SLC37A3: variants seen among roughly 807,000 people sequenced by gnomAD.
The protein encoded by SLC37A3 is sugar phosphate exchanger 3.
SLC37A3 carries 51 observed loss-of-function variants against 67.1 expected under a neutral mutation model. The ratio of observed to expected loss-of-function variants is 0.76; its 90% confidence interval spans 0.61 to 0.96. The LOEUF (loss-of-function observed/expected upper bound fraction) is 0.96. SLC37A3 is among the 40% of genes least tolerant of loss of function. SLC37A3 has a pLI of 0.00. For synonymous variants in SLC37A3, 214 were observed against 231.4 expected, an observed-to-expected ratio of 0.92 and a Z score of 0.68; for missense variants, 508 against 603.0, an observed-to-expected ratio of 0.84 and a Z score of 1.65.
chr7:140,346,060 G>T, intron 10 of SLC37A3, 90 bp from the exon 11 acceptor site: 2 of 891,428 alleles, frequency 2.2e-6, no homozygotes, highest in Non-Finnish European at 3.7e-6. Flanking sequence ...AGTCTCACTA[G>T]CAGCAGCCTG....
chr7:140,397,931 G>A (rs146434157), intron 1 of SLC37A3, among the ~76,000 whole-genome samples: 2 of 152,332 alleles, frequency 1.3e-5, no homozygotes, highest in Admixed American at 6.5e-5. Context: ...CCTTGACTGA[G>A]TTCATGCTAG....
At chr7:140,350,721 G>A (rs1442356954) in intron 9 of SLC37A3, among the ~76,000 whole-genome samples, 2 of 152,026 alleles carry the variant, frequency 1.3e-5, no homozygotes, top group Admixed American at 6.6e-5. Flanking sequence ...CCGAGACTGC[G>A]CCACTGCACT....
Position 140,334,447 on chromosome 7 carries a change from C to T in SLC37A3, c.*965G>A, listed in dbSNP as rs1405815687. The T allele has an allele frequency of 9.8e-5, 15 of 152,550 alleles. No homozygotes were observed. Among genetic ancestry groups the T allele is most frequent in the African/African-American group, 3.1e-4 (13 of 41,426 alleles). The allele number at this position is 152,550 out of a possible 1,614,324, so 9.4% of individuals were successfully genotyped here. On this transcript the variant is annotated 3_prime_UTR_variant, in exon 15 of 15. Transcript: ENST00000326232. Reference sequence around the variant, plus strand: ...CACTTACTAGAAGAAAAGGTCTTTCCCTTTTCTCTAATTCTAGTCTTCTGC... The same window carrying T: ...CACTTACTAGAAGAAAAGGTCTTTCTCTTTTCTCTAATTCTAGTCTTCTGC...
In SLC37A3 at chr7:140,345,878, C is replaced by G. The variant is rs773189820; in HGVS notation, c.1117G>C (p.Gly373Arg). Residue 373 changes from glycine (G) to arginine (R), a missense_variant, in exon 11 of 15, where the codon GGG (glycine) becomes CGG (arginine). Physicochemically the swap from Gly to Arg is moderately radical, Grantham distance 125 (BLOSUM62 -2). Coordinates refer to ENST00000326232, the MANE Select transcript of SLC37A3 (RefSeq NM_207113.3). Reference sequence around the variant, plus strand: ...GCAAAAGAATACTCACGACTATACCCGATGAGGGACCCAACTGCCAGAAGC... The same window carrying G: ...GCAAAAGAATACTCACGACTATACCGGATGAGGGACCCAACTGCCAGAAGC... ...SLLLAVGSLIGYSRSPNDKSI... is the reference protein window; with the variant it reads ...SLLLAVGSLIRYSRSPNDKSI... The G allele has an allele frequency of 1.2e-6, 2 of 1,612,882 alleles. No individual in the cohort carries two copies. Among genetic ancestry groups the G allele is most frequent in the Admixed American group, 1.7e-5 (1 of 60,010 alleles).
intron 7 of SLC37A3, 67 bp downstream of exon 7, chr7:140,355,601 T>TA (rs1298695299): frequency 3.0e-5 from 41 of 1,347,262 alleles, no homozygotes; most frequent in Non-Finnish European, 4.0e-5. Context: ...ATTTAATACA[T>TA]AAAAAGCAAT....
At chr7:140,393,618 C>T (rs1798805992) in intron 1 of SLC37A3, among the ~76,000 whole-genome samples, 1 of 152,190 alleles carries the variant, frequency 6.6e-6, no homozygotes, top group South Asian at 2.1e-4. Flanking sequence ...CTTGCTCCTT[C>T]CTTTTCTTGG....
chr7:140,393,693 C>T (rs1393592505), intron 1 of SLC37A3, among the ~76,000 whole-genome samples: 1 of 152,196 alleles, frequency 6.6e-6, no homozygotes, highest in East Asian at 1.9e-4. Flanking sequence ...ATGGTCTCCC[C>T]TGGTTACTAC....
intron 1 of SLC37A3, among the ~76,000 whole-genome samples, chr7:140,392,240 G>T (rs533969802): frequency 6.6e-6 from 1 of 152,292 alleles, no homozygotes; most frequent in East Asian, 1.9e-4. Flanking sequence ...AGCCCAGATA[G>T]TCGCTAACCA....
At position 140,385,721 on chromosome 7, in the gene SLC37A3, AATG is replaced by A. The variant is rs1242252175; in HGVS notation, c.-70-3128_-70-3126del. On this transcript the variant is annotated intron_variant, in intron 1 of 14. Transcript: ENST00000326232. ...AATAGACCATCTTTTCCTAAGCTAT[AATG>A]ATTGGGGAGAAAAGGCTTAATAAGC... Among the ~76,000 whole-genome samples the A allele has an allele frequency of 2.6e-5, 4 of 152,154 alleles. No homozygotes were observed. The East Asian group carries it at 7.7e-4, about 29-fold the overall frequency.
intron 1 of SLC37A3, among the ~76,000 whole-genome samples, chr7:140,391,575 T>C (rs1798727007): frequency 6.6e-6 from 1 of 152,064 alleles, no homozygotes; most frequent in South Asian, 2.1e-4. Context: ...AACAATAAGA[T>C]AAAACACAAC....
intron 5 of SLC37A3, among the ~76,000 whole-genome samples, chr7:140,360,545 C>T (rs1178113511): frequency 1.3e-5 from 2 of 151,726 alleles, no homozygotes; most frequent in African/African-American, 4.8e-5. Context: ...ACTAGCCTGG[C>T]CAACATGGTG....
chr7:140,397,028 C>T (rs2093104286), intron 1 of SLC37A3, among the ~76,000 whole-genome samples: 2 of 150,564 alleles, frequency 1.3e-5, no homozygotes, highest in Admixed American at 6.6e-5. Context: ...GGTGAAACCC[C>T]GTCCCTACTA....
chr7:140,355,982 G>A (rs1797010434), intron 6 of SLC37A3, among the ~76,000 whole-genome samples: 2 of 152,076 alleles, frequency 1.3e-5, no homozygotes, highest in African/African-American at 4.8e-5. Context: ...ATCACCTGAG[G>A]TCAGGAGTTC....
chr7:140,341,140 T>C (rs894566485), intron 13 of SLC37A3, among the ~76,000 whole-genome samples: 3 of 152,160 alleles, frequency 2.0e-5, no homozygotes, highest in Admixed American at 6.5e-5. Context: ...ACTATGTTGC[T>C]TGGGCTGGTC....
At chr7:140,385,972 G>T (rs1046851493) in intron 1 of SLC37A3, among the ~76,000 whole-genome samples, 6 of 151,946 alleles carry the variant, frequency 3.9e-5, no homozygotes, top group Admixed American at 6.6e-5. Flanking sequence ...TAGTAGAGAC[G>T]GGGTTTCACC....
In SLC37A3 at chr7:140,345,272, G is replaced by A. The variant is rs1463588032; in HGVS notation, c.1127-9C>T. 5.0e-6 allele frequency: 8 copies of A among 1,613,044 alleles called. No individual in the cohort carries two copies. Among genetic ancestry groups the A allele is most frequent in the East Asian group, 4.5e-5 (2 of 44,884 alleles). ...CTTATCATTTGGAGAACCTGTGAGG[G>A]AAGACACAGACAAACCATGGTGGCT... On this transcript the variant is annotated splice_polypyrimidine_tract_variant and intron_variant, in intron 11 of 14. Transcript: ENST00000326232.
At chr7:140,390,549 TCA>T (rs1311227990) in intron 1 of SLC37A3, among the ~76,000 whole-genome samples, 3 of 152,076 alleles carry the variant, frequency 2.0e-5, no homozygotes, top group Non-Finnish European at 4.4e-5. Flanking sequence ...TCTTTGAAAC[TCA>T]CACCTTGGGG....
intron 3 of SLC37A3, among the ~76,000 whole-genome samples, chr7:140,374,063 T>G (rs983588795): frequency 6.6e-6 from 1 of 152,218 alleles, no homozygotes; most frequent in Admixed American, 6.5e-5. Flanking sequence ...CTAGTATCTA[T>G]AGATATAAAC....
Position 140,382,539 on chromosome 7 carries a change from C to T in SLC37A3, c.-13G>A. ...TTGGCCAGGCCATGTTCTTCCTGAC[C>T]TTCCTTCTCACCTTTGACCTTAAGG... On this transcript the variant is annotated 5_prime_UTR_variant, in exon 2 of 15. Transcript: ENST00000326232. 2 of 1,613,048 alleles carry T rather than the reference C, an allele frequency of 1.2e-6. No individual in the cohort carries two copies.
Sources: gnomAD v4.1 joint callset for allele counts (sites outside exome capture counted in the v4.1 genomes callset) on GRCh38, gnomAD v4.1.1 for gene constraint, MANE v1.5 for transcripts, NCBI Gene and HGNC (gene_info 2026-07-23, HGNC 2026-07-21) for gene names.